Variants in CTNNA3 observed in about 807,000 individuals in gnomAD.
CTNNA3 encodes catenin alpha-3.
In CTNNA3, 76 loss-of-function variants were observed where a neutral mutation model predicts 95.7. The observed-to-expected ratio is 0.79, with a 90% CI of 0.66 to 0.96. The LOEUF (loss-of-function observed/expected upper bound fraction) is 0.96. Ranked by LOEUF, CTNNA3 falls within the 40% of genes least tolerant of loss-of-function variation. The probability of loss-of-function intolerance (pLI) is 0.00; values close to 1 mark genes in which losing one functional copy is unlikely to be tolerated. For missense variants in CTNNA3, 1,191 were observed against 1,089.8 expected, an observed-to-expected ratio of 1.09 and a Z score of -1.31; for synonymous variants, 431 against 374.4, an observed-to-expected ratio of 1.15 and a Z score of -1.74.
chr10:66,795,299 G>A (rs1157864494), intron 7 of CTNNA3, among the ~76,000 whole-genome samples: 2 of 152,102 alleles, frequency 1.3e-5, no homozygotes, highest in East Asian at 3.9e-4. Context: ...ATGGGTTACA[G>A]AATGGATGTT....
chr10:67,117,111 T>C (rs73258467), intron 7 of CTNNA3, among the ~76,000 whole-genome samples: 2 of 152,002 alleles, frequency 1.3e-5, no homozygotes, highest in East Asian at 3.8e-4. Context: ...CAGGCTGCCA[T>C]GAATTGAACA....
chr10:67,745,394 C>A (rs546885836), intron 1 of CTNNA3, among the ~76,000 whole-genome samples: 14 of 151,224 alleles, frequency 9.3e-5, no homozygotes, highest in Non-Finnish European at 1.8e-4. Flanking sequence ...TCATTCTCAG[C>A]AAACTATGGC....
At chr10:66,386,520 C>T (rs879044031) in intron 11 of CTNNA3, among the ~76,000 whole-genome samples, 4 of 152,076 alleles carry the variant, frequency 2.6e-5, no homozygotes, top group African/African-American at 7.2e-5. Context: ...GCCATACTGC[C>T]CAAGGTAATT....
chr10:67,411,445 T>C (rs1307458587), intron 5 of CTNNA3, among the ~76,000 whole-genome samples: 1 of 152,118 alleles, frequency 6.6e-6, no homozygotes, highest in Non-Finnish European at 1.5e-5. Context: ...TCAATTCCTT[T>C]TTATGGTCAT....
At chr10:67,054,702 A>G (rs867145273) in intron 7 of CTNNA3, 3 of 152,154 alleles carry the variant, frequency 2.0e-5, no homozygotes, top group South Asian at 2.1e-4. Flanking sequence ...ATCTGGCACC[A>G]CTTACTCTTG....
At chr10:66,346,395 C>G (rs2132375314) in intron 12 of CTNNA3, among the ~76,000 whole-genome samples, 1 of 151,550 alleles carries the variant, frequency 6.6e-6, no homozygotes, top group African/African-American at 2.4e-5. Context: ...TATCCTGCGT[C>G]AGCCTCCTGA....
chr10:66,015,802 T>C (rs947222006), intron 15 of CTNNA3, among the ~76,000 whole-genome samples: 5 of 152,294 alleles, frequency 3.3e-5, no homozygotes, highest in Non-Finnish European at 5.9e-5. Flanking sequence ...ACTTAACACA[T>C]ATAACACACA....
chr10:66,693,897 T>C (rs1342980577), intron 9 of CTNNA3, among the ~76,000 whole-genome samples: 1 of 151,994 alleles, frequency 6.6e-6, no homozygotes, highest in Non-Finnish European at 1.5e-5. Flanking sequence ...GAAATAAAGA[T>C]GTTCTTTGAA....
At chr10:65,929,638 G>A (rs1220923768) in intron 17 of CTNNA3, among the ~76,000 whole-genome samples, 4 of 149,644 alleles carry the variant, frequency 2.7e-5, no homozygotes, top group African/African-American at 4.9e-5. Context: ...GCGCAATCTC[G>A]GCTCACTGCA....
chr10:66,996,801 G>T (rs915978999), intron 7 of CTNNA3, among the ~76,000 whole-genome samples: 3 of 151,936 alleles, frequency 2.0e-5, no homozygotes, highest in Admixed American at 2.0e-4. Context: ...AGTAGCATTT[G>T]AAATTTTGCT....
intron 13 of CTNNA3, among the ~76,000 whole-genome samples, chr10:66,198,992 C>T (rs2087138066): frequency 1.3e-5 from 2 of 152,084 alleles, no homozygotes; most frequent in Admixed American, 1.3e-4. Context: ...TGTGAGTAGC[C>T]AGCACTTGAA....
chr10:66,526,605 T>C (rs1004009855), intron 10 of CTNNA3, among the ~76,000 whole-genome samples: 3 of 152,194 alleles, frequency 2.0e-5, no homozygotes, highest in Non-Finnish European at 4.4e-5. Flanking sequence ...TGGCCAAAAC[T>C]TATTTTCTCT....
chr10:67,219,716 A>G lies in CTNNA3; in HGVS notation c.734T>C (p.Ile245Thr), dbSNP rs764859315. The G allele has an allele frequency of 6.2e-7, 1 of 1,614,096 alleles. No homozygotes were observed. ...KASKDTVCEE[I>T]QNALNVISNA... ...TGAAATTACATTGAGAGCATTCTGA[A>G]TTTCTTCACAAACTGTGTCCTTGCT... is the stretch of plus-strand genomic sequence containing the variant. Residue 245 changes from isoleucine (I) to threonine (T), a missense_variant, in exon 6 of 18, where the codon ATT becomes ACT. Ile to Thr is a moderately conservative substitution (Grantham distance 89). Coordinates refer to ENST00000433211, the MANE Select transcript of CTNNA3 (RefSeq NM_013266.4).
chr10:66,338,363 A>G (rs1240146674), intron 12 of CTNNA3, among the ~76,000 whole-genome samples: 1 of 152,010 alleles, frequency 6.6e-6, no homozygotes, highest in Non-Finnish European at 1.5e-5. Context: ...TCAAAAACTG[A>G]CTTATGGTGA....
intron 13 of CTNNA3, among the ~76,000 whole-genome samples, chr10:66,203,280 A>G (rs1451115110): frequency 6.6e-6 from 1 of 152,224 alleles, no homozygotes; most frequent in African/African-American, 2.4e-5. Flanking sequence ...AGAGAACAAT[A>G]TAAAGACTAA....
At chr10:67,585,697 TG>T (rs1334726256) in intron 3 of CTNNA3, among the ~76,000 whole-genome samples, 4 of 152,184 alleles carry the variant, frequency 2.6e-5, no homozygotes, top group African/African-American at 9.6e-5. Flanking sequence ...TTCTAATTTC[TG>T]ATTTTACATG....
chr10:66,309,409 C>T (rs991595958), intron 12 of CTNNA3, among the ~76,000 whole-genome samples: 18 of 152,020 alleles, frequency 1.2e-4, no homozygotes, highest in South Asian at 6.2e-4. Context: ...GGCTAGATTC[C>T]GGGCCGGGTG....
chr10:67,637,101 A>G (rs994471989), intron 2 of CTNNA3, among the ~76,000 whole-genome samples: 4 of 152,226 alleles, frequency 2.6e-5, no homozygotes, highest in African/African-American at 9.6e-5. Context: ...ATGGCAAAGA[A>G]GTTAAAAACC....
intron 12 of CTNNA3, among the ~76,000 whole-genome samples, chr10:66,284,619 G>A (rs547493360): frequency 6.6e-6 from 1 of 151,970 alleles, no homozygotes; most frequent in East Asian, 1.9e-4. Flanking sequence ...ATGTGCATTT[G>A]AAAGTAGGTG....
Sources: gnomAD v4.1 joint callset for allele counts (sites outside exome capture counted in the v4.1 genomes callset) on GRCh38, gnomAD v4.1.1 for gene constraint, MANE v1.5 for transcripts, NCBI Gene and HGNC (gene_info 2026-07-23, HGNC 2026-07-21) for gene names.